The following MAP2K5 variants were observed in gnomAD, a reference collection of about 807,000 sequenced individuals.
The protein encoded by MAP2K5 is mitogen-activated protein kinase kinase 5.
A neutral mutation model predicts 83.1 loss-of-function variants in MAP2K5; 49 were observed. The observed-to-expected ratio is 0.59, with a 90% confidence interval of 0.47 to 0.75. The LOEUF (loss-of-function observed/expected upper bound fraction) is 0.75. Ranked by LOEUF, MAP2K5 falls within the 30% of genes least tolerant of loss-of-function variation. The pLI, the probability that MAP2K5 is intolerant of heterozygous loss-of-function variation, is 0.00. For synonymous variants in MAP2K5, 202 were observed against 191.8 expected (o/e 1.05, Z -0.44); for missense variants, 457 against 557.5 (o/e 0.82, Z 1.82).
rs4514627 is a variant in MAP2K5, at chr15:67,790,733, A to C, written c.1243-15913A>C. Among the ~76,000 whole-genome samples, 12,399 of 151,868 alleles carry C rather than the reference A, an allele frequency of 0.082. 660 individuals are homozygous for C. Among genetic ancestry groups the C allele is most frequent in the Admixed American group, 0.1 (1,560 of 15,238 alleles). ...CAGTCACATAAAAACAAACAAACAAAAAAAAAAAAACCTGTGTCCTAATGT... is the reference window on the plus strand; with the variant it reads ...CAGTCACATAAAAACAAACAAACAACAAAAAAAAAACCTGTGTCCTAATGT... On this transcript the variant is annotated intron_variant, in intron 21 of 21. Coordinates refer to ENST00000178640, the MANE Select transcript of MAP2K5 (RefSeq NM_145160.3). The surrounding 1 kb of genome is among the most constrained non-coding windows in gnomAD (Gnocchi z 4.6).
At chr15:67,673,827 T>A (rs2087609367) in intron 13 of MAP2K5, among the ~76,000 whole-genome samples, 1 of 152,144 alleles carries the variant, frequency 6.6e-6, no homozygotes, top group Non-Finnish European at 1.5e-5. Flanking sequence ...ATATTTTTGC[T>A]TTCTGGAGGA....
At chr15:67,578,518 C>T (rs2098508934) in intron 3 of MAP2K5, among the ~76,000 whole-genome samples, 1 of 151,966 alleles carries the variant, frequency 6.6e-6, no homozygotes, top group African/African-American at 2.4e-5. Flanking sequence ...TGCAGTAGTC[C>T]AGCAGGAGAA....
chr15:67,622,303 G>A (rs2086204963), intron 8 of MAP2K5, among the ~76,000 whole-genome samples: 1 of 152,178 alleles, frequency 6.6e-6, no homozygotes, highest in Non-Finnish European at 1.5e-5. Context: ...TCAGGAGTAG[G>A]TGCAAAGGCC....
At chr15:67,604,675 T>C (rs2085739746) in intron 8 of MAP2K5, among the ~76,000 whole-genome samples, 1 of 151,986 alleles carries the variant, frequency 6.6e-6, no homozygotes, top group Admixed American at 6.6e-5. Flanking sequence ...GGCAGGTGGA[T>C]CACGAGGTCA....
At chr15:67,678,561 C>T (rs2087735907) in intron 13 of MAP2K5, among the ~76,000 whole-genome samples, 2 of 152,202 alleles carry the variant, frequency 1.3e-5, no homozygotes, top group Admixed American at 1.3e-4. Context: ...ACCAACAGCA[C>T]CTGATGTGAA....
At chr15:67,751,559 C>T (rs949496937) in intron 19 of MAP2K5, among the ~76,000 whole-genome samples, 2 of 152,150 alleles carry the variant, frequency 1.3e-5, no homozygotes, top group African/African-American at 2.4e-5. Flanking sequence ...GGGAATAAGT[C>T]GGCCCCTATT....
intron 2 of MAP2K5, 66 bp downstream of exon 2, chr15:67,550,148 GT>G (rs2084479453): frequency 7.8e-7 from 1 of 1,276,038 alleles, no homozygotes; most frequent in African/African-American, 1.5e-5. Flanking sequence ...GGGTTTATGG[GT>G]GGCATTACTT....
At chr15:67,737,954 T>C (rs2089380442) in intron 17 of MAP2K5, among the ~76,000 whole-genome samples, 1 of 132,962 alleles carries the variant, frequency 7.5e-6, no homozygotes, top group East Asian at 2.6e-4. Flanking sequence ...CAGGTTCAAG[T>C]GATTCTCCTG....
intron 21 of MAP2K5, among the ~76,000 whole-genome samples, chr15:67,806,166 T>C (rs984871384): frequency 6.6e-6 from 1 of 152,208 alleles, no homozygotes; most frequent in Non-Finnish European, 1.5e-5. Context: ...GGTGACTTCT[T>C]TTTATAGGAG....
intron 13 of MAP2K5, among the ~76,000 whole-genome samples, chr15:67,687,288 G>A (rs2087981892): frequency 2.0e-5 from 3 of 152,268 alleles, no homozygotes; most frequent in Non-Finnish European, 2.9e-5. Context: ...TAAGTCTGGA[G>A]TAGAACACAA....
At chr15:67,671,411 G>A (rs2087531620) in intron 13 of MAP2K5, among the ~76,000 whole-genome samples, 1 of 152,078 alleles carries the variant, frequency 6.6e-6, no homozygotes, top group South Asian at 2.1e-4. Flanking sequence ...AATATGAAAT[G>A]TTTTAAAACT....
chr15:67,786,095 G>A lies in MAP2K5; in HGVS notation c.1242+13343G>A, dbSNP rs1294317001. On this transcript the variant is annotated intron_variant, in intron 21 of 21. Coordinates refer to ENST00000178640, the MANE Select transcript of MAP2K5 (RefSeq NM_145160.3). The surrounding 1 kb of genome is among the most constrained non-coding windows in gnomAD (Gnocchi z 4.7). ...CTATGAAGTGCGAGACATACATGGG[G>A]CACGAGGTCATTCAGCCTCTTTGGG... 2.0e-5 allele frequency among the ~76,000 whole-genome samples: 3 copies of A among 152,076 alleles called. No homozygotes were observed. The highest frequency in any genetic ancestry group is 4.4e-5 in the Non-Finnish European group (3 of 68,006).
At chr15:67,716,521 C>A (rs2141233876) in intron 16 of MAP2K5, among the ~76,000 whole-genome samples, 1 of 152,228 alleles carries the variant, frequency 6.6e-6, no homozygotes, top group Admixed American at 6.5e-5. Context: ...TTTGAGATAT[C>A]CAGTGGTAAA....
Position 67,801,722 on chromosome 15 carries a change from G to T in MAP2K5, c.1243-4924G>T, listed in dbSNP as rs1189120258. Among the ~76,000 whole-genome samples the T allele has an allele frequency of 6.6e-6, 1 of 152,194 alleles. No homozygotes were observed. The highest frequency in any genetic ancestry group is 1.5e-5 in the Non-Finnish European group (1 of 68,028). ...GTCAGATGTAAGGCATTCAGCCAAT[G>T]CCTGTACACAGCAAGTGCTCAGTAA... On this transcript the variant is annotated intron_variant, in intron 21 of 21. Coordinates refer to ENST00000178640, the MANE Select transcript of MAP2K5 (RefSeq NM_145160.3). The surrounding 1 kb of genome is among the most constrained non-coding windows in gnomAD (Gnocchi z 4.8).
At chr15:67,689,727 G>A (rs1240380586) in intron 13 of MAP2K5, among the ~76,000 whole-genome samples, 2 of 152,224 alleles carry the variant, frequency 1.3e-5, no homozygotes, top group African/African-American at 2.4e-5. Flanking sequence ...TAGCAGTTTT[G>A]TTGTTTTATT....
chr15:67,727,990 C>G, intron 17 of MAP2K5, 45 bp downstream of exon 17: 1 of 1,532,828 alleles, frequency 6.5e-7, no homozygotes, highest in Non-Finnish European at 9.0e-7. Context: ...ACATTCATTC[C>G]TATGTATGAA....
chr15:67,593,481 A>T (rs2085457918), intron 7 of MAP2K5, among the ~76,000 whole-genome samples: 1 of 152,196 alleles, frequency 6.6e-6, no homozygotes, highest in Non-Finnish European at 1.5e-5. Context: ...GACCTAACCC[A>T]GCCAGTGAGG....
rs2088092143 is a variant in MAP2K5, at chr15:67,690,838, A to G, written c.848-1641A>G. On this transcript the variant is annotated intron_variant, in intron 13 of 21. Transcript: ENST00000178640. This position sits in a 1 kb window ranked among gnomAD's most constrained non-coding sequence, Gnocchi z 4.3. ...CGTGAGCCACTGCTCCCGGCCATGT[A>G]TTAGTAAATTTAATGTATCATATAA... is the stretch of plus-strand genomic sequence containing the variant. Among the ~76,000 whole-genome samples the G allele has an allele frequency of 6.6e-6, 1 of 152,108 alleles. No homozygotes were observed. Among genetic ancestry groups the G allele is most frequent in the Non-Finnish European group, 1.5e-5 (1 of 68,014 alleles).
Position 67,769,989 on chromosome 15 carries a change from C to T in MAP2K5, c.1196+326C>T, listed in dbSNP as rs185463388. On this transcript the variant is annotated intron_variant, in intron 20 of 21. Transcript: ENST00000178640. This position sits in a 1 kb window ranked among gnomAD's most constrained non-coding sequence, Gnocchi z 5.2. ...AATTTTATAGCCCCTACTGAACGGA[C>T]GTACGAAGCTTATTTTTATTAATGT... 1.3e-3 allele frequency: 264 copies of T among 196,372 alleles called. 1 individual carries two copies. Among genetic ancestry groups the T allele is most frequent in the African/African-American group, 3.9e-3 (165 of 42,826 alleles). The allele number at this position is 196,372 out of a possible 1,614,324, so 12.2% of individuals were successfully genotyped here.
Sources: allele counts gnomAD v4.1 joint callset (sites outside exome capture counted in the v4.1 genomes callset), GRCh38; gene constraint gnomAD v4.1.1; non-coding constraint Gnocchi (gnomAD v3.1); transcripts MANE v1.5; gene names NCBI Gene and HGNC (gene_info 2026-07-23, HGNC 2026-07-21).